Variants in CEP162 observed in about 807,000 individuals in gnomAD.
CEP162 encodes centrosomal protein of 162 kDa.
A neutral mutation model predicts 169.2 loss-of-function variants in CEP162; 141 were observed. The ratio of observed to expected loss-of-function variants is 0.83; its 90% confidence interval spans 0.73 to 0.96. CEP162 has a LOEUF of 0.96. Among genes scored for constraint, CEP162 ranks in the 40% least tolerant of loss-of-function variants. The pLI, the probability that CEP162 is intolerant of heterozygous loss-of-function variation, is 0.00. For synonymous variants in CEP162, 540 were observed against 526.4 expected (o/e 1.03, Z -0.35); for missense variants, 1,600 against 1,587.2 (o/e 1.01, Z -0.14).
At chr6:84,179,756 AT>A (rs1362148663) in intron 13 of CEP162, among the ~76,000 whole-genome samples, 9 of 152,314 alleles carry the variant, frequency 5.9e-5, no homozygotes, top group African/African-American at 1.9e-4. Context: ...AAATGGATAA[AT>A]TCCTGGACAC....
At chr6:84,191,093 A>G (rs1371820561) in intron 11 of CEP162, among the ~76,000 whole-genome samples, 1 of 152,196 alleles carries the variant, frequency 6.6e-6, no homozygotes, top group Admixed American at 6.5e-5. Context: ...ACTGGGACCA[A>G]AGCGATTATT....
chr6:84,153,254 G>T, intron 22 of CEP162, 75 bp from the exon 23 acceptor site: 1 of 1,339,274 alleles, frequency 7.5e-7, no homozygotes, highest in Non-Finnish European at 1.0e-6. Flanking sequence ...GCACACTACT[G>T]GGTCCTACCT....
chr6:84,220,135 T>C (rs2099553109), intron 3 of CEP162, among the ~76,000 whole-genome samples: 1 of 152,084 alleles, frequency 6.6e-6, no homozygotes, highest in Non-Finnish European at 1.5e-5. Flanking sequence ...AGAGTCTTAA[T>C]TATGACATGA....
intron 3 of CEP162, 78 bp from the exon 4 acceptor site, chr6:84,216,000 G>A: frequency 2.1e-6 from 3 of 1,421,246 alleles, no homozygotes; most frequent in Non-Finnish European, 1.8e-6. Context: ...CAATAATAAT[G>A]TTATGCTAAT....
In CEP162 at chr6:84,161,832, A is replaced by G. The variant is rs1455427083; in HGVS notation, c.2590T>C (p.Trp864Arg). 2 of 1,595,860 alleles carry G rather than the reference A, an allele frequency of 1.3e-6. No individual in the cohort carries two copies. The highest frequency in any genetic ancestry group is 2.2e-5 in the East Asian group (1 of 44,520). Residue 864 changes from tryptophan (W) to arginine (R), a missense_variant, in exon 20 of 27, where the codon TGG becomes CGG. Coordinates refer to ENST00000403245, the MANE Select transcript of CEP162 (RefSeq NM_014895.4). Reference sequence around the variant, plus strand: ...AGAAGTTCCTGATTTTCAGCATACCACTGTAATCTTTTTTGCAGACGACTG... The same window carrying G: ...AGAAGTTCCTGATTTTCAGCATACCGCTGTAATCTTTTTTGCAGACGACTG... The part of the protein sequence containing the change: ...EISRLQKRLQ[W>R]YAENQELLDK...
In CEP162 at chr6:84,215,441, T is replaced by TG; in HGVS notation, c.343dup (p.His115ProfsTer2). On this transcript the variant is annotated frameshift_variant, in exon 5 of 27. Coordinates refer to ENST00000403245, the MANE Select transcript of CEP162 (RefSeq NM_014895.4). LOFTEE classifies it high-confidence loss of function. ...GTCCAATCCCACTCCGAGACTACTA[T>TG]GGTTGAGCTCAGAAACTACTAGTTC... The TG allele has an allele frequency of 6.3e-7, 1 of 1,599,818 alleles. No individual in the cohort carries two copies. The highest frequency in any genetic ancestry group is 8.5e-7 in the Non-Finnish European group (1 of 1,174,442).
intron 25 of CEP162, among the ~76,000 whole-genome samples, chr6:84,139,398 G>T (rs779985710): frequency 6.6e-6 from 1 of 152,128 alleles, no homozygotes; most frequent in African/African-American, 2.4e-5. Flanking sequence ...TTTTCATGAG[G>T]TTTCTCCTGT....
At chr6:84,157,520 C>T (rs570504427) in intron 21 of CEP162, among the ~76,000 whole-genome samples, 1 of 152,124 alleles carries the variant, frequency 6.6e-6, no homozygotes, top group Non-Finnish European at 1.5e-5. Context: ...TAAAAAAATA[C>T]AAAAATTAGC....
chr6:84,221,815 T>A (rs1258699392), intron 2 of CEP162, among the ~76,000 whole-genome samples: 1 of 152,088 alleles, frequency 6.6e-6, no homozygotes. Flanking sequence ...TAAACTTACT[T>A]GTGAAGGCAC....
chr6:84,155,033 C>A (rs1463841346), intron 22 of CEP162, among the ~76,000 whole-genome samples: 1 of 152,078 alleles, frequency 6.6e-6, no homozygotes, highest in East Asian at 1.9e-4. Context: ...TCTGCTTTTT[C>A]ATGACTTAAT....
chr6:84,172,121 A>G (rs1440991520), intron 16 of CEP162, among the ~76,000 whole-genome samples: 1 of 152,156 alleles, frequency 6.6e-6, no homozygotes, highest in Non-Finnish European at 1.5e-5. Flanking sequence ...GGGGAAAAAA[A>G]AAATCACTGC....
chr6:84,135,008 C>A (rs1200049956), intron 25 of CEP162, among the ~76,000 whole-genome samples: 1 of 151,614 alleles, frequency 6.6e-6, no homozygotes, highest in South Asian at 2.1e-4. Context: ...TGCATACATA[C>A]ATACATGAAC....
intron 6 of CEP162, among the ~76,000 whole-genome samples, chr6:84,212,039 G>GAA (rs144840389): frequency 2.3e-4 from 34 of 148,428 alleles, no homozygotes; most frequent in Middle Eastern, 3.2e-3. Context: ...CTGCCCGAAG[G>GAA]AAAAAAAAAC....
chr6:84,218,814 T>C (rs1323431496), intron 3 of CEP162, among the ~76,000 whole-genome samples: 1 of 152,210 alleles, frequency 6.6e-6, no homozygotes, highest in Non-Finnish European at 1.5e-5. Context: ...TCATAGATGC[T>C]TCAAATGAAA....
chr6:84,195,059 T>C lies in CEP162; in HGVS notation c.852A>G (p.Gln284=). The C allele has an allele frequency of 6.3e-7, 1 of 1,588,858 alleles. No individual in the cohort carries two copies. The highest frequency in any genetic ancestry group is 8.5e-7 in the Non-Finnish European group (1 of 1,170,014). ...GTAGGGCTTCAACGTCACTACTGCT[T>C]TGTCCATAAGAAACACCTGTTGAAA... ...EMTGTGVSYG[Q]SSSDVEALHQ... is the part of the protein sequence containing the mutation. Residue 284 remains glutamine, a synonymous_variant, in exon 10 of 27, where the codon CAA becomes CAG. Transcript: ENST00000403245.
At chr6:84,201,847 T>G (rs2099544647) in intron 7 of CEP162, 80 bp from the exon 8 acceptor site, 1 of 718,838 alleles carries the variant, frequency 1.4e-6, no homozygotes, top group South Asian at 1.8e-5. Flanking sequence ...AATAGCAAAA[T>G]CTGAAATCCA....
At chr6:84,157,946 AG>A (rs1274507939) in intron 21 of CEP162, among the ~76,000 whole-genome samples, 1 of 152,226 alleles carries the variant, frequency 6.6e-6, no homozygotes, top group Non-Finnish European at 1.5e-5. Flanking sequence ...TTGGAAAGCA[AG>A]GAGGATTAGA....
At chr6:84,182,341 G>T (rs2129229467) in intron 13 of CEP162, among the ~76,000 whole-genome samples, 1 of 151,764 alleles carries the variant, frequency 6.6e-6, no homozygotes, top group East Asian at 1.9e-4. Context: ...AATAAGAGAA[G>T]ACAATAATAA....
chr6:84,124,896 T>G lies in CEP162; in HGVS notation c.*174A>C. ...TAATGATTTTTAGTAAAATACACCA[T>G]TATATGTTTTTTTTCTTATTGGTTA... On this transcript the variant is annotated 3_prime_UTR_variant, in exon 27 of 27. Transcript: ENST00000403245. The G allele has an allele frequency of 1.6e-6, 1 of 623,816 alleles. No homozygotes were observed. The highest frequency in any genetic ancestry group is 2.8e-6 in the Non-Finnish European group (1 of 359,828). 38.6% of individuals were successfully genotyped at this position (623,816 alleles called of 1,614,324 possible). A position where few individuals can be genotyped will look rare whatever the true frequency, so the allele number is the denominator to read the frequency against.
Sources: gnomAD v4.1 joint callset for allele counts (sites outside exome capture counted in the v4.1 genomes callset) on GRCh38, gnomAD v4.1.1 for gene constraint, MANE v1.5 for transcripts, NCBI Gene and HGNC (gene_info 2026-07-23, HGNC 2026-07-21) for gene names.